The following SPCS2 variants were observed in gnomAD, a reference collection of about 807,000 sequenced individuals.
SPCS2 encodes the protein signal peptidase complex subunit 2, also known as SPase 25 kDa subunit.
SPCS2 carries 3 observed loss-of-function variants against 22.3 expected under a neutral mutation model. The ratio of observed to expected loss-of-function variants is 0.13; its 90% confidence interval spans 0.06 to 0.35. SPCS2 has a LOEUF of 0.35. SPCS2 is among the 10% of genes least tolerant of loss of function. SPCS2 has a pLI of 1.00. For synonymous variants in SPCS2, 67 were observed against 97.2 expected (o/e 0.69, Z 1.83); for missense variants, 169 against 280.9 (o/e 0.60, Z 2.85).
intron 1 of SPCS2, among the ~76,000 whole-genome samples, chr11:74,954,404 G>A (rs910670521): frequency 6.6e-6 from 1 of 152,186 alleles, no homozygotes; most frequent in African/African-American, 2.4e-5. Flanking sequence ...TGTGCCTTGT[G>A]CTATCTAATG....
intron 1 of SPCS2, among the ~76,000 whole-genome samples, chr11:74,961,863 C>T (rs1948516371): frequency 6.6e-6 from 1 of 152,122 alleles, no homozygotes; most frequent in South Asian, 2.1e-4. Context: ...GTACAGTACA[C>T]CTTTAAGAAT....
chr11:74,970,803 G>A (rs1015754726), intron 4 of SPCS2, among the ~76,000 whole-genome samples: 3 of 151,888 alleles, frequency 2.0e-5, no homozygotes, highest in Admixed American at 6.6e-5. Context: ...AAAACCTAGC[G>A]GCATTATAAT....
chr11:74,960,371 G>A (rs1223688498), intron 1 of SPCS2, among the ~76,000 whole-genome samples: 1 of 152,048 alleles, frequency 6.6e-6, no homozygotes, highest in Admixed American at 6.6e-5. Flanking sequence ...GTGGTGTAGG[G>A]GAGTAATTTC....
rs139726808 is a variant in SPCS2, at chr11:74,967,479, G to A, written c.359+1556G>A. Among the ~76,000 whole-genome samples the A allele has an allele frequency of 9.4e-3, 1,427 of 152,268 alleles. 26 individuals are homozygous for A. Among genetic ancestry groups the A allele is most frequent in the African/African-American group, 0.032 (1,345 of 41,548 alleles). On this transcript the variant is annotated intron_variant, in intron 3 of 4. Coordinates refer to ENST00000263672, the MANE Select transcript of SPCS2 (RefSeq NM_014752.3). Reference sequence around the variant, plus strand: ...TAAATGTCTTCTGTTGCTGGGCATCGTGGCTCATGCCTGTAATCCCAACAC... The same window carrying A: ...TAAATGTCTTCTGTTGCTGGGCATCATGGCTCATGCCTGTAATCCCAACAC...
intron 1 of SPCS2, among the ~76,000 whole-genome samples, chr11:74,955,953 T>C (rs1948476882): frequency 1.4e-5 from 2 of 144,888 alleles, no homozygotes; most frequent in South Asian, 2.2e-4. Context: ...CTCCATCTTA[T>C]CAAATTTCAA....
intron 1 of SPCS2, among the ~76,000 whole-genome samples, chr11:74,953,490 G>T (rs1360312577): frequency 3.3e-5 from 5 of 152,150 alleles, no homozygotes; most frequent in Non-Finnish European, 7.3e-5. Context: ...ACCACACCCA[G>T]CCTAATATAA....
In SPCS2 at chr11:74,949,406, A is replaced by T; in HGVS notation, c.114+7A>T. The T allele has an allele frequency of 6.4e-7, 1 of 1,550,510 alleles. No homozygotes were observed. The highest frequency in any genetic ancestry group is 8.7e-7 in the Non-Finnish European group (1 of 1,146,230). Reference sequence around the variant, plus strand: ...TAGCGGCTTGTTGGATAAGGTGAGGAGCCGGTTCTTGGGAACAGTTGAATC... The same window carrying T: ...TAGCGGCTTGTTGGATAAGGTGAGGTGCCGGTTCTTGGGAACAGTTGAATC... On this transcript the variant is annotated splice_region_variant and intron_variant, in intron 1 of 4. Coordinates refer to ENST00000263672, the MANE Select transcript of SPCS2 (RefSeq NM_014752.3).
intron 4 of SPCS2, among the ~76,000 whole-genome samples, chr11:74,974,314 C>G (rs35016813): frequency 0.014 from 2,121 of 152,330 alleles, 30 homozygotes; most frequent in Non-Finnish European, 0.022. Context: ...TCTCTGAACT[C>G]TAAATATATT....
intron 3 of SPCS2, 66 bp from the exon 4 acceptor site, chr11:74,969,499 G>A: frequency 6.7e-7 from 1 of 1,488,038 alleles, no homozygotes; most frequent in South Asian, 1.2e-5. Context: ...TTTTATATCT[G>A]TTGCTTGTCA....
In SPCS2 at chr11:74,949,401, T is replaced by A; in HGVS notation, c.114+2T>A. The A allele has an allele frequency of 1.3e-6, 2 of 1,549,302 alleles. No homozygotes were observed. Among genetic ancestry groups the A allele is most frequent in the Non-Finnish European group, 1.7e-6 (2 of 1,145,168 alleles). On this transcript the variant is annotated splice_donor_variant, in intron 1 of 4. Transcript: ENST00000263672. LOFTEE classifies it high-confidence loss of function. ...GGCCGTAGCGGCTTGTTGGATAAGG[T>A]GAGGAGCCGGTTCTTGGGAACAGTT...
At chr11:74,968,010 T>A (rs1211984907) in intron 3 of SPCS2, among the ~76,000 whole-genome samples, 1 of 152,154 alleles carries the variant, frequency 6.6e-6, no homozygotes, top group Non-Finnish European at 1.5e-5. Flanking sequence ...AAAACATCAG[T>A]ATTATCCCAA....
chr11:74,954,619 A>G (rs746943638), intron 1 of SPCS2, among the ~76,000 whole-genome samples: 11 of 152,194 alleles, frequency 7.2e-5, no homozygotes, highest in Non-Finnish European at 1.3e-4. Flanking sequence ...CGGTTTTATA[A>G]CATTACTATA....
chr11:74,952,885 C>A (rs1189713164), intron 1 of SPCS2, among the ~76,000 whole-genome samples: 1 of 152,236 alleles, frequency 6.6e-6, no homozygotes, highest in African/African-American at 2.4e-5. Flanking sequence ...AGCACTTACA[C>A]TGCACATGGG....
intron 1 of SPCS2, among the ~76,000 whole-genome samples, chr11:74,961,346 G>A (rs993726825): frequency 6.6e-6 from 1 of 152,082 alleles, no homozygotes; most frequent in African/African-American, 2.4e-5. Context: ...GCTTTAGAGA[G>A]GTTAAATTAT....
intron 3 of SPCS2, among the ~76,000 whole-genome samples, chr11:74,967,523 G>T (rs1948554014): frequency 6.6e-6 from 1 of 152,180 alleles, no homozygotes; most frequent in African/African-American, 2.4e-5. Context: ...GCCAAGGCGG[G>T]CGAATCACTT....
At position 74,978,899 on chromosome 11, in the gene SPCS2, A is replaced by C. The variant is rs1591744594; in HGVS notation, c.*1856A>C. The stretch of plus-strand genomic sequence containing the variant: ...TGTGCATGCAAACATGTGTCTCCAC[A>C]TACATTTTTTTTAACAAAAATTGAA... On this transcript the variant is annotated 3_prime_UTR_variant, in exon 5 of 5. Transcript: ENST00000263672. The C allele has an allele frequency of 6.6e-6, 1 of 152,158 alleles. No homozygotes were observed. The highest frequency in any genetic ancestry group is 2.4e-5 in the African/African-American group (1 of 41,432). 9.4% of individuals were successfully genotyped at this position (152,158 alleles called of 1,614,324 possible).
At chr11:74,970,923 T>C (rs1342384570) in intron 4 of SPCS2, among the ~76,000 whole-genome samples, 1 of 152,190 alleles carries the variant, frequency 6.6e-6, no homozygotes, top group East Asian at 1.9e-4. Context: ...TACCTAGTAG[T>C]ATTTACAGAT....
chr11:74,966,646 G>A (rs188814411), intron 3 of SPCS2, among the ~76,000 whole-genome samples: 4 of 151,962 alleles, frequency 2.6e-5, no homozygotes, highest in African/African-American at 4.8e-5. Context: ...CCTACCCAGC[G>A]TGATTTTTTT....
intron 4 of SPCS2, among the ~76,000 whole-genome samples, chr11:74,974,827 G>A (rs1339427335): frequency 4.6e-5 from 7 of 152,072 alleles, no homozygotes; most frequent in Non-Finnish European, 1.0e-4. Context: ...TGTTAGCCAG[G>A]ATGGTCTGGA....
Sources: allele counts gnomAD v4.1 joint callset (sites outside exome capture counted in the v4.1 genomes callset), GRCh38; gene constraint gnomAD v4.1.1; transcripts MANE v1.5; gene names NCBI Gene and HGNC (gene_info 2026-07-23, HGNC 2026-07-21).